DOCK4: variants seen among roughly 807,000 people sequenced by gnomAD.
DOCK4 encodes dedicator of cytokinesis 4.
Under a neutral mutation model 268.1 loss-of-function variants are expected in DOCK4, and 97 were observed. That is an observed-to-expected ratio of 0.36 (90% confidence interval 0.31 to 0.43). The LOEUF is 0.43. DOCK4 is among the 20% of genes least tolerant of loss of function. The pLI, the probability that DOCK4 is intolerant of heterozygous loss-of-function variation, is 1.00. For missense variants in DOCK4, 2,145 were observed against 2,455.7 expected (o/e 0.87, Z 2.67); for synonymous variants, 954 against 887.2 (o/e 1.08, Z -1.34).
At chr7:112,157,805 G>T (rs527313807) in intron 1 of DOCK4, among the ~76,000 whole-genome samples, 2 of 152,106 alleles carry the variant, frequency 1.3e-5, no homozygotes, top group Non-Finnish European at 2.9e-5. Flanking sequence ...GCAGACAAGG[G>T]CCAGGCCATG....
At chr7:112,077,337 T>G (rs148305854) in intron 1 of DOCK4, among the ~76,000 whole-genome samples, 4 of 152,210 alleles carry the variant, frequency 2.6e-5, no homozygotes, top group Admixed American at 2.6e-4. Context: ...AAAAATAGAA[T>G]AGTATTTACA....
rs115317949 is a variant in DOCK4, at chr7:111,754,937, C to T, written c.4416+578G>A. Among the ~76,000 whole-genome samples, 1,031 of 152,278 alleles carry T rather than the reference C, an allele frequency of 6.8e-3. 14 individuals are homozygous for T. The highest frequency in any genetic ancestry group is 0.023 in the African/African-American group (971 of 41,562). On this transcript the variant is annotated intron_variant, in intron 42 of 52. Coordinates refer to ENST00000428084, the MANE Select transcript of DOCK4 (RefSeq NM_001363540.2). ...GTAACAACACGGACTTACTGTGCATCGGGCACTGTGCAGAGACTTGACATT... is the reference window on the plus strand; with the variant it reads ...GTAACAACACGGACTTACTGTGCATTGGGCACTGTGCAGAGACTTGACATT...
chr7:112,067,512 A>G (rs1252524241), intron 1 of DOCK4, among the ~76,000 whole-genome samples: 1 of 152,178 alleles, frequency 6.6e-6, no homozygotes, highest in Non-Finnish European at 1.5e-5. Flanking sequence ...AATATACTAG[A>G]GAGAAGATGA....
intron 16 of DOCK4, among the ~76,000 whole-genome samples, chr7:111,884,935 T>C (rs758890967): frequency 1.3e-4 from 20 of 152,192 alleles, no homozygotes; most frequent in Non-Finnish European, 2.4e-4. Context: ...GTTATCCAGT[T>C]TCCTAATACT....
chr7:112,033,153 G>A lies in DOCK4; in HGVS notation c.38-29022C>T, dbSNP rs543732586. 1.3e-4 allele frequency among the ~76,000 whole-genome samples: 20 copies of A among 152,086 alleles called. No individual in the cohort carries two copies. The South Asian group carries it at 4.2e-3, about 32-fold the overall frequency. ...CTCAATATAAAGCAAATAATTCCAA[G>A]TGAAATACAATATGCAGACAGATAC... On this transcript the variant is annotated intron_variant, in intron 1 of 52. Transcript: ENST00000428084.
chr7:112,080,471 A>T (rs1226245204), intron 1 of DOCK4, among the ~76,000 whole-genome samples: 1 of 152,240 alleles, frequency 6.6e-6, no homozygotes, highest in African/African-American at 2.4e-5. Flanking sequence ...GCATTGATAG[A>T]GAAATGTTAC....
intron 36 of DOCK4, among the ~76,000 whole-genome samples, chr7:111,772,237 C>A (rs1414465199): frequency 6.6e-6 from 1 of 151,864 alleles, no homozygotes; most frequent in South Asian, 2.1e-4. Flanking sequence ...AGTGAGTCCT[C>A]GTCTCTAAAA....
intron 1 of DOCK4, among the ~76,000 whole-genome samples, chr7:112,189,425 T>C (rs1391422990): frequency 6.6e-6 from 1 of 152,166 alleles, no homozygotes; most frequent in East Asian, 1.9e-4. Flanking sequence ...AACTGACCAT[T>C]ACATGGTGGC....
chr7:111,960,873 G>C (rs1304544792), intron 8 of DOCK4, among the ~76,000 whole-genome samples: 1 of 152,014 alleles, frequency 6.6e-6, no homozygotes, highest in East Asian at 1.9e-4. Context: ...TTCTTTTTAA[G>C]GCTGAATAGT....
chr7:111,962,888 C>T (rs535270899), intron 8 of DOCK4, among the ~76,000 whole-genome samples: 5 of 152,126 alleles, frequency 3.3e-5, no homozygotes, highest in African/African-American at 4.8e-5. Context: ...ATTTAATCAT[C>T]GGGATAACAC....
intron 1 of DOCK4, among the ~76,000 whole-genome samples, chr7:112,018,640 A>G (rs1459887636): frequency 6.6e-6 from 1 of 152,144 alleles, no homozygotes; most frequent in Non-Finnish European, 1.5e-5. Flanking sequence ...TTGTTTGCCA[A>G]AAGCTACATT....
rs139521466 is a variant in DOCK4 at position 112,039,633 on chromosome 7, T to C, written c.38-35502A>G. Among the ~76,000 whole-genome samples, 239 of 152,148 alleles carry C rather than the reference T, an allele frequency of 1.6e-3. 1 individual carries two copies. Among genetic ancestry groups the C allele is most frequent in the African/African-American group, 5.6e-3 (231 of 41,502 alleles). The stretch of plus-strand genomic sequence containing the variant: ...CTTTACCTAGGTATATGGGCTAGAG[T>C]AGAGTCGCAGACATCTCCTGTTTGG... On this transcript the variant is annotated intron_variant, in intron 1 of 52. Coordinates refer to ENST00000428084, the MANE Select transcript of DOCK4 (RefSeq NM_001363540.2).
At chr7:112,181,804 C>T (rs1444264560) in intron 1 of DOCK4, among the ~76,000 whole-genome samples, 1 of 152,118 alleles carries the variant, frequency 6.6e-6, no homozygotes, top group East Asian at 1.9e-4. Context: ...CGTGCACTTG[C>T]ATCTCACAGA....
intron 41 of DOCK4, 127 bp downstream of exon 41, chr7:111,758,497 T>C: frequency 9.1e-7 from 1 of 1,094,488 alleles, no homozygotes; most frequent in Middle Eastern, 2.6e-4. Context: ...CTAGACTAAA[T>C]GATTTATATA....
chr7:111,936,570 A>T (rs1794762107), intron 11 of DOCK4, among the ~76,000 whole-genome samples: 1 of 152,016 alleles, frequency 6.6e-6, no homozygotes, highest in Admixed American at 6.6e-5. Context: ...ACTCATAATG[A>T]TTTGTAAGCA....
At chr7:112,084,716 CT>C (rs1808905022) in intron 1 of DOCK4, among the ~76,000 whole-genome samples, 1 of 152,030 alleles carries the variant, frequency 6.6e-6, no homozygotes, top group African/African-American at 2.4e-5. Context: ...GAAAATCTCC[CT>C]TCATGTTTGT....
rs557294780 is a variant in DOCK4, at chr7:112,131,724, A to G, written c.37+74378T>C. 6.6e-5 allele frequency among the ~76,000 whole-genome samples: 10 copies of G among 152,310 alleles called. No homozygotes were observed. In the South Asian group the frequency reaches 1.0e-3, roughly 16 times the overall value. On this transcript the variant is annotated intron_variant, in intron 1 of 52. Coordinates refer to ENST00000428084, the MANE Select transcript of DOCK4 (RefSeq NM_001363540.2). ...TCAGCTAATGAGAAAGAGAAAAAAA[A>G]ATCATATGGCATAGTCTCTGCCCTT... is the stretch of plus-strand genomic sequence containing the variant.
chr7:112,178,241 T>C (rs12705815), intron 1 of DOCK4, among the ~76,000 whole-genome samples: 40,814 of 152,170 alleles, frequency 0.27, 6,363 homozygotes, highest in Non-Finnish European at 0.36. Flanking sequence ...GGACTTTGGC[T>C]GTATCACTCA....
chr7:112,104,463 A>C (rs982533684), intron 1 of DOCK4, among the ~76,000 whole-genome samples: 2 of 152,154 alleles, frequency 1.3e-5, no homozygotes, highest in African/African-American at 4.8e-5. Context: ...CAGCCTCTTT[A>C]GGCATAATTG....
Sources: allele counts gnomAD v4.1 joint callset (sites outside exome capture counted in the v4.1 genomes callset), GRCh38; gene constraint gnomAD v4.1.1; transcripts MANE v1.5; gene names NCBI Gene and HGNC (gene_info 2026-07-23, HGNC 2026-07-21).